ARL15: variants seen among roughly 807,000 people sequenced by gnomAD.
The protein encoded by ARL15 is ARF like GTPase 15.
ARL15 carries 19 observed loss-of-function variants against 25.2 expected under a neutral mutation model. That is an observed-to-expected ratio of 0.75 (90% CI 0.53 to 1.10). The LOEUF (loss-of-function observed/expected upper bound fraction) is 1.10. Among genes scored for constraint, ARL15 ranks in the 50% least tolerant of loss-of-function variants. ARL15 has a pLI of 0.00. For missense variants in ARL15, 220 were observed against 246.0 expected (o/e 0.89, Z 0.71); for synonymous variants, 94 against 86.8 (o/e 1.08, Z -0.46).
At chr5:54,123,433 A>G (rs1410345922) in intron 3 of ARL15, among the ~76,000 whole-genome samples, 1 of 152,154 alleles carries the variant, frequency 6.6e-6, no homozygotes, top group African/African-American at 2.4e-5. Flanking sequence ...TATCTGAAAT[A>G]CTGTTTCTTC....
intron 1 of ARL15, among the ~76,000 whole-genome samples, chr5:54,247,037 ATC>A (rs1191100054): frequency 6.6e-6 from 1 of 152,176 alleles, no homozygotes; most frequent in African/African-American, 2.4e-5. Context: ...ACATGATAAA[ATC>A]TCTAAGATAA....
chr5:53,967,058 G>T (rs1747589799), intron 4 of ARL15, among the ~76,000 whole-genome samples: 1 of 152,130 alleles, frequency 6.6e-6, no homozygotes, highest in Non-Finnish European at 1.5e-5. Flanking sequence ...CACTAAACTG[G>T]AATATAAGTC....
chr5:53,979,261 G>A (rs1422986385), intron 4 of ARL15, among the ~76,000 whole-genome samples: 2 of 152,084 alleles, frequency 1.3e-5, no homozygotes, highest in African/African-American at 4.8e-5. Context: ...GCTGTGGCAT[G>A]GTGGCTCACG....
Position 54,216,836 on chromosome 5 carries a change from C to T in ARL15, c.49-44908G>A, listed in dbSNP as rs1232174001. Reference sequence around the variant, plus strand: ...AGAATGTATATACCTTAGACCCGTACAAGTTAAGCATAAAATGATAACTGA... The same window carrying T: ...AGAATGTATATACCTTAGACCCGTATAAGTTAAGCATAAAATGATAACTGA... On this transcript the variant is annotated intron_variant, in intron 1 of 4. Transcript: ENST00000504924. 2.0e-5 allele frequency among the ~76,000 whole-genome samples: 3 copies of T among 152,154 alleles called. No homozygotes were observed. In the East Asian group the frequency reaches 5.8e-4, roughly 29 times the overall value.
At chr5:54,126,744 C>T (rs1753264993) in intron 3 of ARL15, among the ~76,000 whole-genome samples, 1 of 152,214 alleles carries the variant, frequency 6.6e-6, no homozygotes, top group South Asian at 2.1e-4. Context: ...GGCAAGAAGG[C>T]CTTTGCCAAG....
chr5:54,306,385 C>T (rs1052346968), intron 1 of ARL15, among the ~76,000 whole-genome samples: 4 of 140,630 alleles, frequency 2.8e-5, no homozygotes, highest in South Asian at 2.3e-4. Context: ...AATCACAATA[C>T]GTTAACTTTT....
chr5:54,177,483 C>A (rs942085960), intron 1 of ARL15, among the ~76,000 whole-genome samples: 1 of 152,134 alleles, frequency 6.6e-6, no homozygotes, highest in African/African-American at 2.4e-5. Context: ...TAAGGACTTG[C>A]ATTTCAGTCT....
chr5:54,056,297 C>A (rs538650294), intron 4 of ARL15, among the ~76,000 whole-genome samples: 349 of 151,950 alleles, frequency 2.3e-3, no homozygotes, highest in African/African-American at 8.0e-3. Flanking sequence ...ATAATAAAAG[C>A]CACTAACAGA....
intron 1 of ARL15, among the ~76,000 whole-genome samples, chr5:54,174,761 C>T (rs1364543294): frequency 6.6e-6 from 1 of 152,190 alleles, no homozygotes; most frequent in African/African-American, 2.4e-5. Flanking sequence ...CTCCCAGACT[C>T]AGAATGAGAG....
chr5:53,901,763 AAAC>A (rs1430071594), intron 4 of ARL15, among the ~76,000 whole-genome samples: 2 of 152,194 alleles, frequency 1.3e-5, no homozygotes, highest in African/African-American at 4.8e-5. Context: ...TGAAAAAGAA[AAAC>A]AACTCATGAT....
At chr5:54,235,836 A>T (rs1240507721) in intron 1 of ARL15, among the ~76,000 whole-genome samples, 1 of 152,240 alleles carries the variant, frequency 6.6e-6, no homozygotes, top group Non-Finnish European at 1.5e-5. Context: ...AAATAATGGA[A>T]GGGCATTTGA....
chr5:54,046,177 C>T (rs1750504531), intron 4 of ARL15, among the ~76,000 whole-genome samples: 1 of 151,930 alleles, frequency 6.6e-6, no homozygotes, highest in Admixed American at 6.6e-5. Flanking sequence ...AAGGAACATA[C>T]AATTGGATTA....
At chr5:54,101,739 T>A (rs912843541) in intron 4 of ARL15, among the ~76,000 whole-genome samples, 1 of 152,136 alleles carries the variant, frequency 6.6e-6, no homozygotes, top group Non-Finnish European at 1.5e-5. Flanking sequence ...TGCCTTAAAA[T>A]CTATTCTCAT....
At chr5:53,963,944 T>A (rs759794234) in intron 4 of ARL15, among the ~76,000 whole-genome samples, 1 of 152,218 alleles carries the variant, frequency 6.6e-6, no homozygotes, top group Admixed American at 6.5e-5. Flanking sequence ...AAATTTGCCT[T>A]ATTTTTAAAT....
intron 3 of ARL15, among the ~76,000 whole-genome samples, chr5:54,124,276 C>T (rs918137961): frequency 1.3e-5 from 2 of 152,106 alleles, no homozygotes; most frequent in Admixed American, 6.5e-5. Context: ...TCTTCTTATT[C>T]TAGACAGGTC....
chr5:53,884,106 T>TTAGCAACCA lies in ARL15; in HGVS notation c.*2446_*2454dup, dbSNP rs1744437418. On this transcript the variant is annotated 3_prime_UTR_variant, in exon 5 of 5. Transcript: ENST00000504924. Reference sequence around the variant, plus strand: ...AAAGACAGGGCAATATGGCAGTTAATTAGCAACCAATACTGTCAACTACAG... The same window carrying TTAGCAACCA: ...AAAGACAGGGCAATATGGCAGTTAATTAGCAACCATAGCAACCAATACTGTCAACTACAG... 1 of 152,198 alleles carries TTAGCAACCA rather than the reference T, an allele frequency of 6.6e-6. No individual in the cohort carries two copies. The highest frequency in any genetic ancestry group is 2.4e-5 in the African/African-American group (1 of 41,446). 9.4% of individuals were successfully genotyped at this position (152,198 alleles called of 1,614,324 possible). A position where few individuals can be genotyped will look rare whatever the true frequency, so the allele number is the denominator to read the frequency against.
chr5:54,072,657 T>C (rs1015019996), intron 4 of ARL15, among the ~76,000 whole-genome samples: 3 of 152,192 alleles, frequency 2.0e-5, no homozygotes, highest in Non-Finnish European at 4.4e-5. Context: ...ATCAGCACAG[T>C]GCCATACCCC....
rs544659526 is a variant in ARL15, at chr5:54,094,472, T to C, written c.462+18730A>G. The stretch of plus-strand genomic sequence containing the variant: ...ATATAGAGACTACACAAAGGTAAAA[T>C]AACAGCAACAAAAAAGGCACTGGGG... On this transcript the variant is annotated intron_variant, in intron 4 of 4. Coordinates refer to ENST00000504924, the MANE Select transcript of ARL15 (RefSeq NM_019087.3). Among the ~76,000 whole-genome samples the C allele has an allele frequency of 2.0e-5, 3 of 148,026 alleles. No homozygotes were observed. The East Asian group carries it at 6.0e-4, about 30-fold the overall frequency.
chr5:54,123,562 A>G (rs929697322), intron 3 of ARL15, among the ~76,000 whole-genome samples: 2 of 152,318 alleles, frequency 1.3e-5, no homozygotes, highest in Admixed American at 1.3e-4. Flanking sequence ...TGATCATCCT[A>G]TTTCAGACAA....
Sources: allele counts gnomAD v4.1 joint callset (sites outside exome capture counted in the v4.1 genomes callset), GRCh38; gene constraint gnomAD v4.1.1; transcripts MANE v1.5; gene names NCBI Gene and HGNC (gene_info 2026-07-23, HGNC 2026-07-21).